Variants in LARGE1 observed in about 807,000 individuals in gnomAD.
LARGE1 encodes xylosyl- and glucuronyltransferase LARGE1.
Under a neutral mutation model 87.6 loss-of-function variants are expected in LARGE1, and 43 were observed. The observed-to-expected ratio is 0.49, with a 90% CI of 0.38 to 0.63. LARGE1 has a LOEUF of 0.63. Ranked by LOEUF, LARGE1 falls within the 30% of genes least tolerant of loss-of-function variation. The pLI, the probability that LARGE1 is intolerant of heterozygous loss-of-function variation, is 0.00. For synonymous variants in LARGE1, 434 were observed against 394.6 expected (o/e 1.10, Z -1.18); for missense variants, 802 against 1,000.2 (o/e 0.80, Z 2.67).
chr22:33,541,643 A>G (rs1190266906), intron 6 of LARGE1, among the ~76,000 whole-genome samples: 2 of 151,662 alleles, frequency 1.3e-5, no homozygotes, highest in Non-Finnish European at 2.9e-5. Context: ...TTCCTTCACT[A>G]TTACAATGAG....
intron 10 of LARGE1, among the ~76,000 whole-genome samples, chr22:33,331,406 T>C (rs2146486860): frequency 7.1e-6 from 1 of 141,656 alleles, no homozygotes; most frequent in South Asian, 2.2e-4. Flanking sequence ...CTTTCTCTTC[T>C]TATCTTTTTT....
At chr22:33,396,329 C>A (rs1447043465) in intron 7 of LARGE1, among the ~76,000 whole-genome samples, 1 of 152,140 alleles carries the variant, frequency 6.6e-6, no homozygotes, top group Admixed American at 6.5e-5. Context: ...TTAAAATCCC[C>A]TGCTGATTTT....
At chr22:33,470,585 C>A (rs920965945) in intron 6 of LARGE1, among the ~76,000 whole-genome samples, 1 of 152,214 alleles carries the variant, frequency 6.6e-6, no homozygotes, top group African/African-American at 2.4e-5. Context: ...TTAACTGAAG[C>A]CTCTCAGCCC....
At chr22:33,900,734 A>AG in intron 1 of LARGE1, among the ~76,000 whole-genome samples, 1 of 152,336 alleles carries the variant, frequency 6.6e-6, no homozygotes, top group East Asian at 1.9e-4. Context: ...TTAATCCAAT[A>AG]TAACTGCTGT....
intron 1 of LARGE1, among the ~76,000 whole-genome samples, chr22:33,856,060 G>A (rs778448460): frequency 3.3e-4 from 51 of 152,286 alleles, no homozygotes; most frequent in Middle Eastern, 3.4e-3. Flanking sequence ...CTGGCACCTG[G>A]GCGATGACTA....
chr22:33,557,966 C>G (rs1312884538), intron 6 of LARGE1, among the ~76,000 whole-genome samples: 1 of 152,230 alleles, frequency 6.6e-6, no homozygotes. Context: ...AAGCCTCGCC[C>G]TTTCCCAGCT....
At chr22:33,885,331 CA>C in intron 1 of LARGE1, among the ~76,000 whole-genome samples, 1 of 152,224 alleles carries the variant, frequency 6.6e-6, no homozygotes, top group East Asian at 1.9e-4. Flanking sequence ...GGGGCAGCTC[CA>C]ACTCCTGCCT....
At chr22:33,686,560 A>AAAAAAAAG (rs1569371022) in intron 2 of LARGE1, among the ~76,000 whole-genome samples, 2 of 132,800 alleles carry the variant, frequency 1.5e-5, no homozygotes, top group Non-Finnish European at 1.6e-5. Context: ...AAAAAAAAAA[A>AAAAAAAAG]AAAAAACAAA....
At chr22:33,088,664 A>C in the LARGE1 span, among the ~76,000 whole-genome samples, 1 of 152,334 alleles carries the variant, frequency 6.6e-6, no homozygotes, top group South Asian at 2.1e-4. Context: ...CACAAAATCC[A>C]GACACTAGTA....
intron 6 of LARGE1, among the ~76,000 whole-genome samples, chr22:33,513,812 TACACACAC>T (rs56262022): frequency 1.4e-5 from 2 of 143,180 alleles, no homozygotes; most frequent in Non-Finnish European, 3.0e-5. Context: ...AGAGCTGATG[TACACACAC>T]ACACACACAC....
At chr22:33,401,055 G>A (rs551009236) in intron 7 of LARGE1, among the ~76,000 whole-genome samples, 1 of 152,074 alleles carries the variant, frequency 6.6e-6, no homozygotes, top group Non-Finnish European at 1.5e-5. Context: ...GAAAGAGAGT[G>A]TGTTTCTCCC....
the LARGE1 span, among the ~76,000 whole-genome samples, chr22:33,096,064 A>T: frequency 9.3e-4 from 141 of 152,246 alleles, no homozygotes; most frequent in African/African-American, 3.2e-3. Flanking sequence ...TTTTGAAACA[A>T]GTCCCACTTC....
rs1454071313 is a variant in LARGE1, at chr22:33,464,363, TA to T, written c.788-32099del. Among the ~76,000 whole-genome samples the T allele has an allele frequency of 7.9e-5, 12 of 151,780 alleles. No individual in the cohort carries two copies. The South Asian group carries it at 1.5e-3, about 18-fold the overall frequency. Reference sequence around the variant, plus strand: ...TCGAATCCAAAAACATGTAAGACCGTAAAAAAAATGACTGATAAATTCAACT... The same window carrying T: ...TCGAATCCAAAAACATGTAAGACCGTAAAAAAATGACTGATAAATTCAACT... On this transcript the variant is annotated intron_variant, in intron 6 of 14. Transcript: ENST00000397394.
intron 1 of LARGE1, among the ~76,000 whole-genome samples, chr22:33,895,003 C>A: frequency 6.6e-6 from 1 of 151,948 alleles, no homozygotes; most frequent in Non-Finnish European, 1.5e-5. Flanking sequence ...TAGAGCCACC[C>A]TAGAAAATCT....
At chr22:33,116,219 G>A in the LARGE1 span, 1 of 152,278 alleles carries the variant, frequency 6.6e-6, no homozygotes. Context: ...AGCTCTGACT[G>A]CAGCAGGTCG....
chr22:33,447,007 C>T (rs764063401), intron 6 of LARGE1, among the ~76,000 whole-genome samples: 15 of 152,206 alleles, frequency 9.9e-5, no homozygotes, highest in South Asian at 2.1e-4. Flanking sequence ...GATTCTCCTG[C>T]CTCAGCCTCC....
the LARGE1 span, among the ~76,000 whole-genome samples, chr22:33,082,298 T>C: frequency 6.6e-6 from 1 of 152,210 alleles, no homozygotes; most frequent in Non-Finnish European, 1.5e-5. Flanking sequence ...ATGTTCTTCC[T>C]CTGTGCAGAT....
the LARGE1 span, among the ~76,000 whole-genome samples, chr22:33,128,368 T>C: frequency 2.0e-5 from 3 of 152,334 alleles, no homozygotes; most frequent in African/African-American, 4.8e-5. Context: ...TCATCAGTGA[T>C]AGACTGGATA....
At chr22:33,597,432 C>G (rs1002152510) in intron 5 of LARGE1, among the ~76,000 whole-genome samples, 1 of 152,068 alleles carries the variant, frequency 6.6e-6, no homozygotes, top group Non-Finnish European at 1.5e-5. Context: ...CAGCAGTTTA[C>G]CCACCCCCTA....
Sources: gnomAD v4.1 joint callset for allele counts (sites outside exome capture counted in the v4.1 genomes callset) on GRCh38, gnomAD v4.1.1 for gene constraint, MANE v1.5 for transcripts, NCBI Gene and HGNC (gene_info 2026-07-23, HGNC 2026-07-21) for gene names.